The following NALCN variants were observed in gnomAD, a reference collection of about 807,000 sequenced individuals.
The protein encoded by NALCN is sodium leak channel, non-selective, also known as sodium leak channel NALCN.
Under a neutral mutation model 225.3 loss-of-function variants are expected in NALCN, and 111 were observed. The ratio of observed to expected loss-of-function variants is 0.49; its 90% CI spans 0.42 to 0.58. The LOEUF (loss-of-function observed/expected upper bound fraction) is 0.58, where lower values mean the gene tolerates loss of function less well. Ranked by LOEUF, NALCN falls within the 20% of genes least tolerant of loss-of-function variation. The probability of loss-of-function intolerance (pLI) is 0.00; values close to 1 mark genes in which losing one functional copy is unlikely to be tolerated. For synonymous variants in NALCN, 764 were observed against 769.0 expected (o/e 0.99, Z 0.11); for missense variants, 1,378 against 2,202.4 (o/e 0.63, Z 7.49).
chr13:101,252,351 T>A (rs896588999), intron 11 of NALCN, among the ~76,000 whole-genome samples: 6 of 152,246 alleles, frequency 3.9e-5, no homozygotes, highest in African/African-American at 9.6e-5. Flanking sequence ...TCTGAATGTA[T>A]TTAAAATAAA....
At position 101,294,266 on chromosome 13, in the gene NALCN, C is replaced by T. The variant is rs531161116; in HGVS notation, c.800-1900G>A. 2.2e-4 allele frequency among the ~76,000 whole-genome samples: 33 copies of T among 152,034 alleles called. 1 individual carries two copies. In the South Asian group the frequency reaches 6.0e-3, roughly 28 times the overall value. On this transcript the variant is annotated intron_variant, in intron 7 of 43. Transcript: ENST00000251127. ...ATAAGTTGTAATGTTCCATGGCAGA[C>T]GAGGGTGATTATAGTTAACAACAAT...
intron 1 of NALCN, among the ~76,000 whole-genome samples, chr13:101,403,292 C>T (rs2047528628): frequency 6.6e-6 from 1 of 152,194 alleles, no homozygotes; most frequent in South Asian, 2.1e-4. Context: ...CCTTATGTTT[C>T]CAGGACCCTG....
Position 101,111,221 on chromosome 13 carries a change from C to A in NALCN, c.2198G>T (p.Cys733Phe). The A allele has an allele frequency of 6.3e-7, 1 of 1,584,726 alleles. No individual in the cohort carries two copies. Among genetic ancestry groups the A allele is most frequent in the African/African-American group, 1.3e-5 (1 of 74,460 alleles). The change falls in exon 19 of 44, where the codon TGC becomes TTC. Residue 733 changes from cysteine (C) to phenylalanine (F), a missense_variant. By Grantham distance (205) the Cys-to-Phe change is radical. Coordinates refer to ENST00000251127, the MANE Select transcript of NALCN (RefSeq NM_052867.4). ...TCCGCTCAGCATGCGCTGTCGGGTGCAAGCTCTAGGAAAAAAAAAGGAGCC... is the reference window on the plus strand; with the variant it reads ...TCCGCTCAGCATGCGCTGTCGGGTGAAAGCTCTAGGAAAAAAAAAGGAGCC... ...ETAVTKILRA[C>F]TRQRMLSGSF...
chr13:101,198,423 A>G (rs2039977229), intron 13 of NALCN, among the ~76,000 whole-genome samples: 1 of 152,208 alleles, frequency 6.6e-6, no homozygotes, highest in Non-Finnish European at 1.5e-5. Context: ...AGAATCTACA[A>G]TGAACTCAAA....
At chr13:101,111,837 T>C (rs547096194) in intron 18 of NALCN, among the ~76,000 whole-genome samples, 1 of 152,314 alleles carries the variant, frequency 6.6e-6, no homozygotes, top group East Asian at 1.9e-4. Context: ...ACTAAACCTC[T>C]TTCTTTCGTA....
At chr13:101,285,596 G>A (rs2043311548) in intron 9 of NALCN, among the ~76,000 whole-genome samples, 2 of 152,066 alleles carry the variant, frequency 1.3e-5, no homozygotes, top group South Asian at 2.1e-4. Flanking sequence ...AAATTAAGGT[G>A]CACATTTACA....
chr13:101,359,608 G>T (rs895633166), intron 6 of NALCN, among the ~76,000 whole-genome samples: 2 of 149,234 alleles, frequency 1.3e-5, no homozygotes, highest in Non-Finnish European at 3.0e-5. Flanking sequence ...TTAATTATTA[G>T]GTATCTTTAT....
intron 17 of NALCN, among the ~76,000 whole-genome samples, chr13:101,131,422 C>A (rs2036509345): frequency 6.6e-6 from 1 of 152,152 alleles, no homozygotes; most frequent in Non-Finnish European, 1.5e-5. Flanking sequence ...TAGTATTTCT[C>A]TTCTAACTTC....
intron 7 of NALCN, among the ~76,000 whole-genome samples, chr13:101,305,854 G>A (rs1291808157): frequency 6.6e-6 from 1 of 152,186 alleles, no homozygotes; most frequent in Admixed American, 6.5e-5. Context: ...CTAGGGCCTG[G>A]GCCAGTGCCT....
chr13:101,067,239 A>AG (rs1456430847), intron 39 of NALCN, among the ~76,000 whole-genome samples: 1 of 109,968 alleles, frequency 9.1e-6, no homozygotes, highest in East Asian at 3.0e-4. Context: ...AGGAGGAGGT[A>AG]GGGGGGAAGA....
At chr13:101,350,385 T>C (rs906615470) in intron 6 of NALCN, among the ~76,000 whole-genome samples, 2 of 151,896 alleles carry the variant, frequency 1.3e-5, no homozygotes, top group African/African-American at 4.8e-5. Flanking sequence ...CCCATTTTTG[T>C]AGCCTTCAGG....
intron 7 of NALCN, among the ~76,000 whole-genome samples, chr13:101,335,015 A>C (rs573081325): frequency 9.8e-5 from 15 of 152,332 alleles, no homozygotes; most frequent in African/African-American, 3.6e-4. Flanking sequence ...AAATACAACC[A>C]TAAAAATGCT....
intron 6 of NALCN, among the ~76,000 whole-genome samples, chr13:101,374,635 A>G (rs1160500826): frequency 6.6e-6 from 1 of 152,126 alleles, no homozygotes; most frequent in African/African-American, 2.4e-5. Flanking sequence ...CTTCTAAATA[A>G]AAATAAAATT....
At chr13:101,056,246 C>CCT (rs2031235905) in intron 43 of NALCN, among the ~76,000 whole-genome samples, 1 of 45,830 alleles carries the variant, frequency 2.2e-5, no homozygotes, top group Non-Finnish European at 3.8e-5. Flanking sequence ...AGTGGAAGTA[C>CCT]TTTTTTTTTT....
rs750654029 is a variant in NALCN, at chr13:101,143,153, G to A, written c.2045C>T (p.Pro682Leu). 10 of 1,613,972 alleles carry A rather than the reference G, an allele frequency of 6.2e-6. No homozygotes were observed. Among genetic ancestry groups the A allele is most frequent in the Admixed American group, 3.3e-5 (2 of 59,996 alleles). ...GTCGCAGGAGGAGGAAGAGGTGGTC[G>A]GGAGGCTTCTCAGGAGGCAACATGT... ...QDTCCLLRSL[P>L]TTSSSSCDHS... Residue 682 changes from proline (P) to leucine (L), a missense_variant, in exon 17 of 44, where the codon CCG (proline) becomes CTG (leucine). Around this residue, in one of 19 missense-constraint regions of NALCN, gnomAD observed 100 missense variants for 89.4 expected, o/e 1.12. Transcript: ENST00000251127.
At chr13:101,106,768 T>C (rs602728) in intron 22 of NALCN, among the ~76,000 whole-genome samples, 90,131 of 152,082 alleles carry the variant, frequency 0.59, 28,151 homozygotes, top group African/African-American at 0.8. Context: ...ATTGAAAGGC[T>C]TCCCCAGCCA....
At chr13:101,293,690 G>A (rs1416269555) in intron 7 of NALCN, among the ~76,000 whole-genome samples, 1 of 152,140 alleles carries the variant, frequency 6.6e-6, no homozygotes, top group African/African-American at 2.4e-5. Flanking sequence ...CAGAGCAACA[G>A]CAAACACCAA....
intron 1 of NALCN, among the ~76,000 whole-genome samples, chr13:101,414,431 G>A (rs971783578): frequency 2.6e-5 from 4 of 152,130 alleles, no homozygotes; most frequent in African/African-American, 9.7e-5. Flanking sequence ...ATGTGACTCT[G>A]ACCTGGGATA....
chr13:101,346,087 C>CTCTCTCTCTCTCTA, intron 6 of NALCN, among the ~76,000 whole-genome samples: 47 of 70,950 alleles, frequency 6.6e-4, no homozygotes, highest in South Asian at 1.7e-3. Context: ...CTCTCTCTCT[C>CTCTCTCTCTCTCTA]TATATATATA....
Sources: gnomAD v4.1 joint callset for allele counts (sites outside exome capture counted in the v4.1 genomes callset) on GRCh38, gnomAD v4.1.1 for gene constraint, gnomAD v4.1.1 regional missense constraint, MANE v1.5 for transcripts, NCBI Gene and HGNC (gene_info 2026-07-23, HGNC 2026-07-21) for gene names.